Variants in EDF1 observed in about 807,000 individuals in gnomAD.
EDF1 encodes endothelial differentiation related factor 1.
In EDF1, 5 loss-of-function variants were observed where a neutral mutation model predicts 20.8. The observed-to-expected ratio is 0.24, with a 90% CI of 0.13 to 0.51. The LOEUF is 0.51. Ranked by LOEUF, EDF1 falls within the 20% of genes least tolerant of loss-of-function variation. The probability of loss-of-function intolerance (pLI) is 0.97; values close to 1 mark genes in which losing one functional copy is unlikely to be tolerated. For synonymous variants in EDF1, 96 were observed against 78.5 expected (o/e 1.22, Z -1.18); for missense variants, 137 against 197.8 (o/e 0.69, Z 1.84).
At position 136,863,356 on chromosome 9, in the gene EDF1, G is replaced by C; in HGVS notation, c.223C>G (p.Leu75Val). The C allele has an allele frequency of 6.2e-7, 1 of 1,614,080 alleles. No individual in the cohort carries two copies. Among genetic ancestry groups the C allele is most frequent in the Non-Finnish European group, 8.5e-7 (1 of 1,180,018 alleles). ...TGCTGGATCACCTTGCCCACCTCCA[G>C]GGTCACCCTGTCATGGTGCAGCTCC... ...TEELHHDRVT[L>V]EVGKVIQQGR... Residue 75 changes from leucine to valine, a missense_variant, in exon 3 of 5, where the codon CTG (leucine) becomes GTG (valine). Coordinates refer to ENST00000224073, the MANE Select transcript of EDF1 (RefSeq NM_003792.4). This position sits in a 1 kb window ranked among gnomAD's most constrained non-coding sequence, Gnocchi z 4.5.
intron 1 of EDF1, 117 bp downstream of exon 1, chr9:136,866,064 C>G: frequency 9.6e-7 from 1 of 1,046,954 alleles, no homozygotes; most frequent in Non-Finnish European, 1.3e-6. Context: ...TGTCCCCGTC[C>G]CCTGCGCCCT....
chr9:136,863,360 C>G lies in EDF1; in HGVS notation c.219G>C (p.Val73=), dbSNP rs1364246324. Residue 73 remains valine, a synonymous_variant, in exon 3 of 5, where the codon GTG becomes GTC. Coordinates refer to ENST00000224073, the MANE Select transcript of EDF1 (RefSeq NM_003792.4). This position sits in a 1 kb window ranked among gnomAD's most constrained non-coding sequence, Gnocchi z 4.5. ...RETEELHHDR[V]TLEVGKVIQQ... ...GGATCACCTTGCCCACCTCCAGGGT[C>G]ACCCTGTCATGGTGCAGCTCCTCTG... 1.9e-6 allele frequency: 3 copies of G among 1,614,138 alleles called. No homozygotes were observed. The highest frequency in any genetic ancestry group is 2.5e-6 in the Non-Finnish European group (3 of 1,180,022).
Position 136,863,170 on chromosome 9 carries a change from G to T in EDF1, c.291+118C>A. On this transcript the variant is annotated intron_variant, in intron 3 of 4. Transcript: ENST00000224073. The surrounding 1 kb of genome is among the most constrained non-coding windows in gnomAD (Gnocchi z 4.5). ...AGCCGGGCTGACCTGGCTTCCCGAG[G>T]CATTCCCTGCAGGGGAACCAGGGGG... is the stretch of plus-strand genomic sequence containing the variant. 1 of 1,530,052 alleles carries T rather than the reference G, an allele frequency of 6.5e-7. No individual in the cohort carries two copies. Among genetic ancestry groups the T allele is most frequent in the Non-Finnish European group, 8.8e-7 (1 of 1,131,862 alleles). 94.8% of individuals were successfully genotyped at this position (1,530,052 alleles called of 1,614,324 possible). A position where few individuals can be genotyped will look rare whatever the true frequency, so the allele number is the denominator to read the frequency against.
At position 136,863,779 on chromosome 9, in the gene EDF1, C is replaced by CA. The variant is rs771869482; in HGVS notation, c.130+40dup. ...CACACCCACCAGCACATGGACCCCA[C>CA]AGCACAGCCTCATGTTGCAAGCGGA... On this transcript the variant is annotated intron_variant, in intron 2 of 4. Coordinates refer to ENST00000224073, the MANE Select transcript of EDF1 (RefSeq NM_003792.4). This position sits in a 1 kb window ranked among gnomAD's most constrained non-coding sequence, Gnocchi z 4.5. 3.1e-6 allele frequency: 5 copies of CA among 1,612,394 alleles called. No homozygotes were observed. The highest frequency in any genetic ancestry group is 4.2e-6 in the Non-Finnish European group (5 of 1,178,922).
chr9:136,866,036 CCCCCGGCACCCCAGCCTTGTCCCCGT>C, intron 1 of EDF1, 119 bp downstream of exon 1: 1 of 689,412 alleles, frequency 1.5e-6, no homozygotes, highest in Non-Finnish European at 2.1e-6. Context: ...CCCCGTCCTG[CCCCCGGCACCCCAGCCTTGTCCCCGT>C]CCCCTGCGCC....
Position 136,863,099 on chromosome 9 carries a change from G to T in EDF1, c.292-100C>A. 1 of 1,549,688 alleles carries T rather than the reference G, an allele frequency of 6.5e-7. No homozygotes were observed. The highest frequency in any genetic ancestry group is 8.8e-7 in the Non-Finnish European group (1 of 1,130,388). On this transcript the variant is annotated intron_variant, in intron 3 of 4. Coordinates refer to ENST00000224073, the MANE Select transcript of EDF1 (RefSeq NM_003792.4). The surrounding 1 kb of genome is among the most constrained non-coding windows in gnomAD (Gnocchi z 4.5). ...AGAACAGCAGCTTCTAGGGCCCCTG[G>T]GGTACGCACCCACACGCAGCTGGGT...
In EDF1 at chr9:136,862,540, C is replaced by T. The variant is rs751702728; in HGVS notation, c.386-195G>A. ...AGTCTGATCACCTTAGACAGCAGAG[C>T]ATGAACACCCCTCTCCGGAAGAACC... On this transcript the variant is annotated intron_variant, in intron 4 of 4. Transcript: ENST00000224073. This position sits in a 1 kb window ranked among gnomAD's most constrained non-coding sequence, Gnocchi z 4.1. 5.6e-6 allele frequency: 9 copies of T among 1,601,646 alleles called. No individual in the cohort carries two copies. Among genetic ancestry groups the T allele is most frequent in the Non-Finnish European group, 7.6e-6 (9 of 1,178,158 alleles).
rs1362003800 is a variant in EDF1, at chr9:136,862,224, G to A, written c.*60C>T. ...GGCCCGTGAGGAGAACGGAACTGGC[G>A]GCCAAGGGGAACCGGCGGAACGAGA... On this transcript the variant is annotated 3_prime_UTR_variant, in exon 5 of 5. Coordinates refer to ENST00000224073, the MANE Select transcript of EDF1 (RefSeq NM_003792.4). This position sits in a 1 kb window ranked among gnomAD's most constrained non-coding sequence, Gnocchi z 4.1. The A allele has an allele frequency of 2.2e-5, 36 of 1,607,070 alleles. No individual in the cohort carries two copies. Among genetic ancestry groups the A allele is most frequent in the Admixed American group, 1.3e-4 (8 of 59,932 alleles).
Position 136,863,159 on chromosome 9 carries a change from G to A in EDF1, c.291+129C>T, listed in dbSNP as rs1588399374. The stretch of plus-strand genomic sequence containing the variant: ...GAGGCAGTGAGAGCCGGGCTGACCT[G>A]GCTTCCCGAGGCATTCCCTGCAGGG... On this transcript the variant is annotated intron_variant, in intron 3 of 4. Coordinates refer to ENST00000224073, the MANE Select transcript of EDF1 (RefSeq NM_003792.4). The surrounding 1 kb of genome is among the most constrained non-coding windows in gnomAD (Gnocchi z 4.5). 6.6e-7 allele frequency: 1 copy of A among 1,519,414 alleles called. No individual in the cohort carries two copies. Among genetic ancestry groups the A allele is most frequent in the African/African-American group, 1.4e-5 (1 of 73,102 alleles). 94.1% of individuals were successfully genotyped at this position (1,519,414 alleles called of 1,614,324 possible).
intron 1 of EDF1, among the ~76,000 whole-genome samples, chr9:136,865,515 A>G (rs1444950315): frequency 6.6e-6 from 1 of 151,248 alleles, no homozygotes; most frequent in Admixed American, 6.6e-5. Flanking sequence ...CTGCCCCGTC[A>G]CCCAGTCTCC....
Position 136,862,199 on chromosome 9 carries a change from G to C in EDF1, c.*85C>G, listed in dbSNP as rs1178842891. The C allele has an allele frequency of 1.3e-6, 2 of 1,559,978 alleles. No individual in the cohort carries two copies. Among genetic ancestry groups the C allele is most frequent in the African/African-American group, 2.7e-5 (2 of 73,862 alleles). ...GCAAGCTGGACCCCTTGTTCCGTTC[G>C]GCCCGTGAGGAGAACGGAACTGGCG... is the stretch of plus-strand genomic sequence containing the variant. On this transcript the variant is annotated 3_prime_UTR_variant, in exon 5 of 5. Transcript: ENST00000224073. The surrounding 1 kb of genome is among the most constrained non-coding windows in gnomAD (Gnocchi z 4.1).
At position 136,863,741 on chromosome 9, in the gene EDF1, G is replaced by A. The variant is rs2131247929; in HGVS notation, c.130+79C>T. ...CACTCAGCTGACAACGTCCCCGGGG[G>A]CGCCGCACACACCACACCCACCAGC... On this transcript the variant is annotated intron_variant, in intron 2 of 4. Coordinates refer to ENST00000224073, the MANE Select transcript of EDF1 (RefSeq NM_003792.4). The surrounding 1 kb of genome is among the most constrained non-coding windows in gnomAD (Gnocchi z 4.5). The A allele has an allele frequency of 6.4e-7, 1 of 1,554,778 alleles. No individual in the cohort carries two copies. The highest frequency in any genetic ancestry group is 8.8e-7 in the Non-Finnish European group (1 of 1,130,096).
chr9:136,862,528 T>C lies in EDF1; in HGVS notation c.386-183A>G, dbSNP rs45486098. Reference sequence around the variant, plus strand: ...TTGAAGAGGATGAGTCTGATCACCTTAGACAGCAGAGCATGAACACCCCTC... The same window carrying C: ...TTGAAGAGGATGAGTCTGATCACCTCAGACAGCAGAGCATGAACACCCCTC... On this transcript the variant is annotated intron_variant, in intron 4 of 4. Transcript: ENST00000224073. This position sits in a 1 kb window ranked among gnomAD's most constrained non-coding sequence, Gnocchi z 4.1. 3.5e-3 allele frequency: 5,694 copies of C among 1,606,342 alleles called. 51 individuals carry two copies. Among genetic ancestry groups the C allele is most frequent in the African/African-American group, 0.029 (2,168 of 74,972 alleles).
In EDF1 at chr9:136,863,270, G is replaced by GC; in HGVS notation, c.291+17dup. 6.2e-7 allele frequency: 1 copy of GC among 1,606,348 alleles called. No individual in the cohort carries two copies. The highest frequency in any genetic ancestry group is 8.5e-7 in the Non-Finnish European group (1 of 1,177,054). On this transcript the variant is annotated intron_variant, in intron 3 of 4. Coordinates refer to ENST00000224073, the MANE Select transcript of EDF1 (RefSeq NM_003792.4). The surrounding 1 kb of genome is among the most constrained non-coding windows in gnomAD (Gnocchi z 4.5). Reference sequence around the variant, plus strand: ...CAAACCCACAACCCCAGGAGTGAGAGCCCCGGCGCAGCCTCACCGTGGCCA... The same window carrying GC: ...CAAACCCACAACCCCAGGAGTGAGAGCCCCCGGCGCAGCCTCACCGTGGCCA...
At chr9:136,864,711 C>T (rs1849180351) in intron 1 of EDF1, among the ~76,000 whole-genome samples, 1 of 152,044 alleles carries the variant, frequency 6.6e-6, no homozygotes, top group Non-Finnish European at 1.5e-5. Context: ...GCAACCTTCG[C>T]CCTCCGAGTT....
Position 136,863,041 on chromosome 9 carries a change from A to T in EDF1, c.292-42T>A, listed in dbSNP as rs1849139147. Reference sequence around the variant, plus strand: ...CTTTATACACATCAGCTCCACTAGGACTGCTGCAAAACCAGGCGCGAAGCG... The same window carrying T: ...CTTTATACACATCAGCTCCACTAGGTCTGCTGCAAAACCAGGCGCGAAGCG... On this transcript the variant is annotated intron_variant, in intron 3 of 4. Coordinates refer to ENST00000224073, the MANE Select transcript of EDF1 (RefSeq NM_003792.4). The surrounding 1 kb of genome is among the most constrained non-coding windows in gnomAD (Gnocchi z 4.5). 3 of 1,611,156 alleles carry T rather than the reference A, an allele frequency of 1.9e-6. No individual in the cohort carries two copies. In the South Asian group the frequency reaches 3.3e-5, roughly 18 times the overall value.
At position 136,862,139 on chromosome 9, in the gene EDF1, G is replaced by T; in HGVS notation, c.*145C>A. 1 of 1,052,754 alleles carries T rather than the reference G, an allele frequency of 9.5e-7. No individual in the cohort carries two copies. The highest frequency in any genetic ancestry group is 1.4e-6 in the Non-Finnish European group (1 of 697,024). 65.2% of individuals were successfully genotyped at this position (1,052,754 alleles called of 1,614,324 possible). Reference sequence around the variant, plus strand: ...CCCAGCGCTTTGCAAGGTTTTGTTTGTTTGACAGCAGGAATGGGCTGGGGA... The same window carrying T: ...CCCAGCGCTTTGCAAGGTTTTGTTTTTTTGACAGCAGGAATGGGCTGGGGA... On this transcript the variant is annotated 3_prime_UTR_variant, in exon 5 of 5. Transcript: ENST00000224073. This position sits in a 1 kb window ranked among gnomAD's most constrained non-coding sequence, Gnocchi z 4.1.
rs1207708052 is a variant in EDF1, at chr9:136,862,971, G to A, written c.320C>T (p.Ala107Val). Residue 107 changes from alanine (A) to valine (V), a missense_variant, in exon 4 of 5, where the codon GCG becomes GTG. Ala to Val is a moderately conservative substitution (Grantham distance 64). Transcript: ENST00000224073. This position sits in a 1 kb window ranked among gnomAD's most constrained non-coding sequence, Gnocchi z 4.1. ...TATGGCCCGTCCGCTCTCATAGTCC[G>A]CGATCACCTGTGGCTTCTCATTGAT... The part of the protein sequence containing the change: ...TKINEKPQVI[A>V]DYESGRAIPN... 2.5e-6 allele frequency: 4 copies of A among 1,613,994 alleles called. No homozygotes were observed. Among genetic ancestry groups the A allele is most frequent in the Non-Finnish European group, 2.5e-6 (3 of 1,180,014 alleles).
rs989719063 is a variant in EDF1 at position 136,862,781 on chromosome 9, G to A, written c.385+125C>T. On this transcript the variant is annotated intron_variant, in intron 4 of 4. Coordinates refer to ENST00000224073, the MANE Select transcript of EDF1 (RefSeq NM_003792.4). This position sits in a 1 kb window ranked among gnomAD's most constrained non-coding sequence, Gnocchi z 4.1. ...TACTACCTGGAGAAGCAAAGCTCCA[G>A]AATTCAGAGAACAGGGGACCCCCAG... The A allele has an allele frequency of 1.2e-6, 2 of 1,603,634 alleles. No homozygotes were observed. The highest frequency in any genetic ancestry group is 2.7e-5 in the African/African-American group (2 of 74,694).
Sources: gnomAD v4.1 joint callset for allele counts (sites outside exome capture counted in the v4.1 genomes callset) on GRCh38, gnomAD v4.1.1 for gene constraint, Gnocchi (gnomAD v3.1) non-coding constraint, MANE v1.5 for transcripts, NCBI Gene and HGNC (gene_info 2026-07-23, HGNC 2026-07-21) for gene names.